ACSM6: variants seen among roughly 807,000 people sequenced by gnomAD.
ACSM6 encodes acyl-CoA synthetase medium chain family member 6.
A neutral mutation model predicts 51.1 loss-of-function variants in ACSM6; 35 were observed. The observed-to-expected ratio is 0.69, with a 90% confidence interval of 0.52 to 0.91. ACSM6 has a LOEUF of 0.91. Ranked by LOEUF, ACSM6 falls within the 40% of genes least tolerant of loss-of-function variation. The pLI is 0.00. For synonymous variants in ACSM6, 172 were observed against 207.3 expected (o/e 0.83, Z 1.46); for missense variants, 509 against 584.1 (o/e 0.87, Z 1.32).
At chr10:95,205,973 C>T (rs1377628884) in intron 3 of ACSM6, among the ~76,000 whole-genome samples, 2 of 152,186 alleles carry the variant, frequency 1.3e-5, no homozygotes, top group South Asian at 2.1e-4. Context: ...CTCCCCATTC[C>T]ATGCCAGATC....
intron 4 of ACSM6, 52 bp downstream of exon 4, chr10:95,207,467 G>C: frequency 6.4e-7 from 1 of 1,557,098 alleles, no homozygotes. Flanking sequence ...GTTTGACTTT[G>C]AAAGATGATG....
At chr10:95,215,514 C>T (rs1255753985) in intron 8 of ACSM6, among the ~76,000 whole-genome samples, 2 of 151,994 alleles carry the variant, frequency 1.3e-5, no homozygotes, top group Non-Finnish European at 2.9e-5. Flanking sequence ...AACATTTTGC[C>T]AAGAAGGTGC....
intron 3 of ACSM6, among the ~76,000 whole-genome samples, chr10:95,202,898 C>A: frequency 6.9e-6 from 1 of 145,158 alleles, no homozygotes; most frequent in African/African-American, 2.6e-5. Context: ...GAGATTGTGC[C>A]ACTGCACTCC....
At chr10:95,221,490 G>A (rs78485493) in intron 9 of ACSM6, among the ~76,000 whole-genome samples, 6,411 of 152,162 alleles carry the variant, frequency 0.042, 490 homozygotes, top group African/African-American at 0.15. Flanking sequence ...GCAGGCTGAG[G>A]CAGGAGAATC....
At chr10:95,208,529 G>T (rs907593143) in intron 4 of ACSM6, among the ~76,000 whole-genome samples, 1 of 152,216 alleles carries the variant, frequency 6.6e-6, no homozygotes, top group Admixed American at 6.5e-5. Context: ...TTAAAATAGC[G>T]AGATGATGCC....
intron 3 of ACSM6, among the ~76,000 whole-genome samples, chr10:95,203,416 C>G (rs1448297712): frequency 2.6e-5 from 4 of 152,116 alleles, no homozygotes; most frequent in African/African-American, 4.8e-5. Context: ...CAAAACCATC[C>G]TCTTGCCTCA....
intron 9 of ACSM6, among the ~76,000 whole-genome samples, chr10:95,224,191 C>G (rs1475784654): frequency 2.0e-5 from 3 of 152,128 alleles, no homozygotes; most frequent in Non-Finnish European, 2.9e-5. Flanking sequence ...CCCTGAAGAC[C>G]TCTGATCCTT....
chr10:95,210,041 GTGT>G (rs1407642437), intron 4 of ACSM6, among the ~76,000 whole-genome samples: 2 of 152,162 alleles, frequency 1.3e-5, no homozygotes, highest in South Asian at 2.1e-4. Context: ...CAGTTTGGAA[GTGT>G]TGTTGTCCTG....
intron 2 of ACSM6, among the ~76,000 whole-genome samples, chr10:95,199,758 T>A (rs2034774005): frequency 6.6e-6 from 1 of 152,160 alleles, no homozygotes; most frequent in Non-Finnish European, 1.5e-5. Flanking sequence ...AAAATGCTCA[T>A]CATCACCGGC....
At chr10:95,217,180 T>C (rs2034953597) in intron 8 of ACSM6, among the ~76,000 whole-genome samples, 1 of 148,836 alleles carries the variant, frequency 6.7e-6, no homozygotes, top group South Asian at 2.1e-4. Context: ...AACCCTGTAT[T>C]TACTAAAAAT....
At chr10:95,207,623 C>A (rs1018845703) in intron 4 of ACSM6, among the ~76,000 whole-genome samples, 1 of 152,086 alleles carries the variant, frequency 6.6e-6, no homozygotes, top group African/African-American at 2.4e-5. Context: ...AGCAGAGTAA[C>A]CCCCAACACA....
At chr10:95,227,870 G>C (rs2035055340) in intron 10 of ACSM6, among the ~76,000 whole-genome samples, 1 of 152,082 alleles carries the variant, frequency 6.6e-6, no homozygotes, top group African/African-American at 2.4e-5. Context: ...GAGTTTGAGA[G>C]CAGCCTGGCC....
At chr10:95,217,004 A>G (rs1486432978) in intron 8 of ACSM6, among the ~76,000 whole-genome samples, 1 of 152,196 alleles carries the variant, frequency 6.6e-6, no homozygotes, top group Non-Finnish European at 1.5e-5. Context: ...TGGTGGCCAA[A>G]TTTTTACATG....
chr10:95,206,986 T>A (rs2034844063), intron 3 of ACSM6, among the ~76,000 whole-genome samples: 1 of 152,182 alleles, frequency 6.6e-6, no homozygotes. Context: ...GGTGAAAGGA[T>A]AACAGCAACA....
At chr10:95,215,091 AG>A in intron 8 of ACSM6, 116 bp downstream of exon 8, 2 of 1,257,862 alleles carry the variant, frequency 1.6e-6, no homozygotes, top group Non-Finnish European at 2.2e-6. Context: ...TCTTAAGCAC[AG>A]GAAGAGGAAA....
intron 8 of ACSM6, among the ~76,000 whole-genome samples, chr10:95,217,783 T>A (rs910561656): frequency 7.2e-5 from 11 of 152,226 alleles, no homozygotes; most frequent in African/African-American, 2.4e-4. Context: ...AGCTATGTAG[T>A]TCCATATGGC....
intron 9 of ACSM6, 91 bp downstream of exon 9, chr10:95,220,062 A>G: frequency 1.0e-6 from 1 of 1,004,718 alleles, no homozygotes; most frequent in South Asian, 1.4e-5. Flanking sequence ...GTAGGCAATG[A>G]GGAAAGTCCA....
chr10:95,215,563 C>A (rs1230288780), intron 8 of ACSM6, among the ~76,000 whole-genome samples: 1 of 152,190 alleles, frequency 6.6e-6, no homozygotes, highest in Non-Finnish European at 1.5e-5. Context: ...GGGATATTGG[C>A]ATTAAGATGA....
intron 6 of ACSM6, 63 bp downstream of exon 6, chr10:95,212,097 C>T: frequency 6.3e-7 from 1 of 1,584,922 alleles, no homozygotes; most frequent in East Asian, 2.2e-5. Flanking sequence ...TTAGCAATGA[C>T]CCAGTGACTC....
Sources: gnomAD v4.1 joint callset for allele counts (sites outside exome capture counted in the v4.1 genomes callset) on GRCh38, gnomAD v4.1.1 for gene constraint, MANE v1.5 for transcripts, NCBI Gene and HGNC (gene_info 2026-07-23, HGNC 2026-07-21) for gene names.